Variants in PCDH11X observed in about 807,000 individuals in gnomAD.
PCDH11X encodes protocadherin-11 X-linked.
PCDH11X carries 18 observed loss-of-function variants against 53.3 expected under a neutral mutation model. The observed-to-expected ratio is 0.34, with a 90% CI of 0.23 to 0.50. The LOEUF (loss-of-function observed/expected upper bound fraction) is 0.50. Ranked by LOEUF, PCDH11X falls within the 20% of genes least tolerant of loss-of-function variation. The probability of loss-of-function intolerance (pLI) is 0.98; values close to 1 mark genes in which losing one functional copy is unlikely to be tolerated. For missense variants in PCDH11X, 570 were observed against 1,032.4 expected, an observed-to-expected ratio of 0.55 and a Z score of 6.14; for synonymous variants, 279 against 393.3, an observed-to-expected ratio of 0.71 and a Z score of 3.44.
At chrX:92,163,243 C>G (rs1440712435) in intron 6 of PCDH11X, among the ~76,000 whole-genome samples, 1 of 110,381 alleles carries the variant, frequency 9.1e-6, no homozygotes, top group East Asian at 2.9e-4. Context: ...GGGCTGAGAG[C>G]TTGCCCCAGG....
At chrX:92,372,056 T>C (rs2070637496) in intron 8 of PCDH11X, among the ~76,000 whole-genome samples, 1 of 110,970 alleles carries the variant, frequency 9.0e-6, no homozygotes, top group Non-Finnish European at 1.9e-5. Flanking sequence ...AAACTGCCTT[T>C]CTCTTAAGCT....
At chrX:91,829,444 C>A (rs73630149) in intron 4 of PCDH11X, among the ~76,000 whole-genome samples, 859 of 45,894 alleles carry the variant, frequency 0.019, 12 homozygotes, top group African/African-American at 0.086. Context: ...ACACACACAC[C>A]CACAATTATA....
chrX:91,933,606 C>T (rs2061412423), intron 6 of PCDH11X, among the ~76,000 whole-genome samples: 1 of 111,198 alleles, frequency 9.0e-6, no homozygotes, highest in South Asian at 3.7e-4. Flanking sequence ...AAGATAACAT[C>T]AATGTTTACT....
intron 7 of PCDH11X, among the ~76,000 whole-genome samples, chrX:92,256,905 T>TC (rs939300892): frequency 7.2e-5 from 8 of 111,789 alleles, no homozygotes; most frequent in African/African-American, 2.6e-4. Flanking sequence ...TCCTTTTTTT[T>TC]CCGTTTCCCT....
intron 4 of PCDH11X, among the ~76,000 whole-genome samples, chrX:91,825,218 G>A (rs1258621470): frequency 2.8e-5 from 3 of 108,928 alleles, no homozygotes; most frequent in Admixed American, 9.5e-5. Context: ...TGGAGCTTCC[G>A]GGCTGCTTTG....
chrX:92,111,013 C>T (rs2064492057), intron 6 of PCDH11X, among the ~76,000 whole-genome samples: 1 of 107,570 alleles, frequency 9.3e-6, no homozygotes, highest in Non-Finnish European at 1.9e-5. Flanking sequence ...GTATTCTAGG[C>T]CTTTGGTAGC....
intron 9 of PCDH11X, among the ~76,000 whole-genome samples, chrX:92,440,729 T>C (rs990083733): frequency 8.2e-5 from 9 of 110,032 alleles, no homozygotes; most frequent in Non-Finnish European, 1.5e-4. Flanking sequence ...CAGGTATGTC[T>C]TTATCAGCAG....
At chrX:91,907,408 C>CAGAGAGAGAGAG (rs1361235635) in intron 6 of PCDH11X, among the ~76,000 whole-genome samples, 44 of 66,070 alleles carry the variant, frequency 6.7e-4, no homozygotes, top group African/African-American at 2.7e-3. Context: ...CACACACACA[C>CAGAGAGAGAGAG]ACACAGAGAG....
intron 5 of PCDH11X, among the ~76,000 whole-genome samples, chrX:91,843,582 T>C (rs2147638824): frequency 9.0e-6 from 1 of 111,294 alleles, no homozygotes; most frequent in South Asian, 3.8e-4. Flanking sequence ...CCTCCTGAAA[T>C]GTCATGGTTA....
intron 6 of PCDH11X, among the ~76,000 whole-genome samples, chrX:92,072,813 G>A (rs2148082167): frequency 9.0e-6 from 1 of 111,379 alleles, no homozygotes; most frequent in African/African-American, 3.3e-5. Flanking sequence ...GTCTCCTTAG[G>A]ACACATGCCA....
chrX:91,939,167 C>A (rs1204214269), intron 6 of PCDH11X, among the ~76,000 whole-genome samples: 3 of 110,939 alleles, frequency 2.7e-5, no homozygotes, highest in African/African-American at 3.3e-5. Context: ...AGACTCAAAT[C>A]AAACTTCCAG....
chrX:91,857,281 C>A (rs918178273), intron 5 of PCDH11X, among the ~76,000 whole-genome samples: 2 of 111,027 alleles, frequency 1.8e-5, no homozygotes, highest in Middle Eastern at 4.7e-3. Context: ...TTCCATGATT[C>A]AATTACCTCA....
chrX:92,343,548 AT>A (rs1436949734), intron 8 of PCDH11X, among the ~76,000 whole-genome samples: 1 of 110,509 alleles, frequency 9.0e-6, no homozygotes, highest in Non-Finnish European at 1.9e-5. Flanking sequence ...ATATAAAGCT[AT>A]ATATCTACGT....
At chrX:92,378,059 T>C (rs1198012682) in intron 8 of PCDH11X, among the ~76,000 whole-genome samples, 1 of 107,198 alleles carries the variant, frequency 9.3e-6, no homozygotes, top group Non-Finnish European at 1.9e-5. Context: ...ATCAATACAA[T>C]GTATTTTTGA....
At chrX:92,134,526 G>A (rs775688220) in intron 6 of PCDH11X, among the ~76,000 whole-genome samples, 2 of 111,069 alleles carry the variant, frequency 1.8e-5, no homozygotes, top group South Asian at 3.8e-4. Context: ...AGGTGTAACC[G>A]AAAAGGGGTC....
At chrX:91,948,375 A>C (rs2147867638) in intron 6 of PCDH11X, among the ~76,000 whole-genome samples, 1 of 110,112 alleles carries the variant, frequency 9.1e-6, no homozygotes, top group African/African-American at 3.3e-5. Context: ...AAAGGAAGCG[A>C]CTAAACTCAT....
At chrX:92,288,435 G>T (rs1210239019) in intron 8 of PCDH11X, among the ~76,000 whole-genome samples, 1 of 104,661 alleles carries the variant, frequency 9.6e-6, no homozygotes, top group African/African-American at 3.5e-5. Flanking sequence ...TGTCGCCCAG[G>T]CTGGAGTGCA....
At chrX:92,007,728 A>G (rs149307684) in intron 6 of PCDH11X, among the ~76,000 whole-genome samples, 1,661 of 111,727 alleles carry the variant, frequency 0.015, 39 homozygotes, top group African/African-American at 0.052. Flanking sequence ...TTTGCCCCGG[A>G]GCCACCATAT....
intron 8 of PCDH11X, among the ~76,000 whole-genome samples, chrX:92,376,853 A>C (rs1337388180): frequency 3.6e-5 from 4 of 111,978 alleles, no homozygotes; most frequent in Non-Finnish European, 7.5e-5. Flanking sequence ...CAGTTTTCAA[A>C]GTACCACCAG....
Sources: gnomAD v4.1 joint callset for allele counts (sites outside exome capture counted in the v4.1 genomes callset) on GRCh38, gnomAD v4.1.1 for gene constraint, MANE v1.5 for transcripts, NCBI Gene and HGNC (gene_info 2026-07-23, HGNC 2026-07-21) for gene names.